SBF2: variants seen among roughly 807,000 people sequenced by gnomAD.
SBF2 encodes myotubularin-related protein 13.
A neutral mutation model predicts 225.2 loss-of-function variants in SBF2; 112 were observed. That is an observed-to-expected ratio of 0.50 (90% CI 0.43 to 0.58). The LOEUF is 0.58. Ranked by LOEUF, SBF2 falls within the 20% of genes least tolerant of loss-of-function variation. The probability of loss-of-function intolerance (pLI) is 0.00; values close to 1 mark genes in which losing one functional copy is unlikely to be tolerated. For missense variants in SBF2, 1,996 were observed against 2,206.2 expected, an observed-to-expected ratio of 0.90 and a Z score of 1.91; for synonymous variants, 763 against 773.3, an observed-to-expected ratio of 0.99 and a Z score of 0.22.
At chr11:9,922,849 C>A (rs1174668478) in intron 16 of SBF2, among the ~76,000 whole-genome samples, 1 of 152,136 alleles carries the variant, frequency 6.6e-6, no homozygotes, top group African/African-American at 2.4e-5. Flanking sequence ...CCCTACAGAG[C>A]AAGTTCATTT....
chr11:10,280,662 A>G (rs1349002817), intron 1 of SBF2, among the ~76,000 whole-genome samples: 1 of 152,194 alleles, frequency 6.6e-6, no homozygotes, highest in African/African-American at 2.4e-5. Context: ...CTTATTCTTT[A>G]TCCTACTAAA....
intron 1 of SBF2, among the ~76,000 whole-genome samples, chr11:10,231,308 C>T (rs1344759201): frequency 6.6e-6 from 1 of 152,202 alleles, no homozygotes; most frequent in Non-Finnish European, 1.5e-5. Flanking sequence ...TCTCTCAACT[C>T]GTCAAAGTCA....
rs532355113 is a variant in SBF2 at position 10,263,039 on chromosome 11, G to GA, written c.55+30975dup. Among the ~76,000 whole-genome samples the GA allele has an allele frequency of 7.2e-5, 11 of 151,890 alleles. No individual in the cohort carries two copies. In the East Asian group the frequency reaches 1.9e-3, roughly 27 times the overall value. On this transcript the variant is annotated intron_variant, in intron 1 of 39. Coordinates refer to ENST00000256190, the MANE Select transcript of SBF2 (RefSeq NM_030962.4). ...GTTCAATACAACATTTAATCCTAAA[G>GA]AAATTGTACTACTTCCCTGTTTTAA...
At chr11:10,262,159 G>A (rs922260360) in intron 1 of SBF2, among the ~76,000 whole-genome samples, 9 of 152,088 alleles carry the variant, frequency 5.9e-5, no homozygotes, top group African/African-American at 2.2e-4. Context: ...AAACTAGTTT[G>A]GGGGAAGATA....
chr11:10,223,821 A>G (rs796250136), intron 1 of SBF2, among the ~76,000 whole-genome samples: 1 of 152,208 alleles, frequency 6.6e-6, no homozygotes, highest in Non-Finnish European at 1.5e-5. Flanking sequence ...CTTGGAGATG[A>G]CTGGCATCAT....
In SBF2 at chr11:9,812,522, C is replaced by T; in HGVS notation, c.4155+10G>A. On this transcript the variant is annotated intron_variant, in intron 30 of 39. Coordinates refer to ENST00000256190, the MANE Select transcript of SBF2 (RefSeq NM_030962.4). ...TGAGTTATAAAGAAAGAAGCTGCTT[C>T]AGACATTACCTGTGGGAACCACTCA... The T allele has an allele frequency of 1.9e-6, 3 of 1,614,078 alleles. No individual in the cohort carries two copies. The highest frequency in any genetic ancestry group is 1.7e-6 in the Non-Finnish European group (2 of 1,179,970).
At chr11:10,257,780 T>C (rs527523212) in intron 1 of SBF2, among the ~76,000 whole-genome samples, 1 of 151,558 alleles carries the variant, frequency 6.6e-6, no homozygotes, top group Middle Eastern at 3.4e-3. Flanking sequence ...GTGGATCACT[T>C]GAGCCCAGGA....
chr11:10,195,908 C>T (rs1353615664), intron 1 of SBF2, among the ~76,000 whole-genome samples: 3 of 152,004 alleles, frequency 2.0e-5, no homozygotes, highest in African/African-American at 7.3e-5. Flanking sequence ...CTTCAAAATC[C>T]ACCTCAAGCA....
At chr11:9,912,796 C>A (rs1862750413) in intron 16 of SBF2, among the ~76,000 whole-genome samples, 1 of 152,126 alleles carries the variant, frequency 6.6e-6, no homozygotes, top group South Asian at 2.1e-4. Context: ...CAGCATGTAT[C>A]CCCACTGTCA....
At chr11:10,029,665 T>C in intron 5 of SBF2, 100 bp downstream of exon 5, 2 of 916,814 alleles carry the variant, frequency 2.2e-6, no homozygotes, top group South Asian at 1.3e-5. Flanking sequence ...AACAAAAATA[T>C]TTAAAGAATT....
chr11:9,929,863 G>A (rs1284144616), intron 16 of SBF2, among the ~76,000 whole-genome samples: 1 of 152,158 alleles, frequency 6.6e-6, no homozygotes, highest in Non-Finnish European at 1.5e-5. Context: ...CAGGAATAAA[G>A]AAACTTATTA....
intron 39 of SBF2, 111 bp from the exon 40 acceptor site, chr11:9,780,627 C>A: frequency 2.4e-6 from 2 of 841,324 alleles, no homozygotes; most frequent in Non-Finnish European, 4.0e-6. Flanking sequence ...TGCCCCAGAA[C>A]GTCTGTATGA....
At chr11:10,200,864 C>T (rs1957545051) in intron 1 of SBF2, among the ~76,000 whole-genome samples, 1 of 151,954 alleles carries the variant, frequency 6.6e-6, no homozygotes, top group South Asian at 2.1e-4. Flanking sequence ...GGAGTTCCTC[C>T]AGAAAATATT....
chr11:9,789,226 G>A lies in SBF2; in HGVS notation c.4815C>T (p.Pro1605=). 9.3e-6 allele frequency: 15 copies of A among 1,614,176 alleles called. No homozygotes were observed. The highest frequency in any genetic ancestry group is 1.2e-5 in the Non-Finnish European group (14 of 1,180,026). Residue 1605 remains proline (P), a synonymous_variant, in exon 35 of 40, where the codon CCC becomes CCT. Transcript: ENST00000256190. ...CTCCAGCCAGGTCAGAGTCTTCGGAGGGGAAGTGCTTGGGGGTTAGCATCA... is the reference window on the plus strand; with the variant it reads ...CTCCAGCCAGGTCAGAGTCTTCGGAAGGGAAGTGCTTGGGGGTTAGCATCA... ...DWMMLTPKHF[P]SEDSDLAGEA... is the part of the protein sequence containing the mutation.
intron 1 of SBF2, among the ~76,000 whole-genome samples, chr11:10,212,423 G>T (rs1957971760): frequency 6.6e-6 from 1 of 152,110 alleles, no homozygotes; most frequent in Non-Finnish European, 1.5e-5. Context: ...AATAATAAAA[G>T]ACCCCTTTCT....
chr11:10,129,913 G>C (rs1384007726), intron 2 of SBF2, among the ~76,000 whole-genome samples: 1 of 152,084 alleles, frequency 6.6e-6, no homozygotes, highest in African/African-American at 2.4e-5. Context: ...GGGAAGCTGA[G>C]GTGGGAATCT....
In SBF2 at chr11:9,856,598, G is replaced by A; in HGVS notation, c.2223C>T (p.Ser741=). 6.2e-7 allele frequency: 1 copy of A among 1,614,140 alleles called. No individual in the cohort carries two copies. The highest frequency in any genetic ancestry group is 8.5e-7 in the Non-Finnish European group (1 of 1,180,030). Residue 741 remains serine, a synonymous_variant, in exon 19 of 40, where the codon AGC becomes AGT. Coordinates refer to ENST00000256190, the MANE Select transcript of SBF2 (RefSeq NM_030962.4). ...AGTGAATGGCCTGACTAAAGACAGT[G>A]CTTTCCTCATGTTGCACTAGCTCTT... ...TQQELVQHEE[S]TVFSQAIHFA...
At chr11:9,821,411 G>A (rs1354288534) in intron 28 of SBF2, among the ~76,000 whole-genome samples, 1 of 152,164 alleles carries the variant, frequency 6.6e-6, no homozygotes, top group African/African-American at 2.4e-5. Flanking sequence ...CCAAGTTTTG[G>A]CCAATTAGTA....
At chr11:9,862,813 C>T (rs1353153924) in intron 17 of SBF2, among the ~76,000 whole-genome samples, 1 of 151,588 alleles carries the variant, frequency 6.6e-6, no homozygotes, top group Non-Finnish European at 1.5e-5. Flanking sequence ...AAAACTTTCC[C>T]AAGACAAGAT....
Sources: allele counts gnomAD v4.1 joint callset (sites outside exome capture counted in the v4.1 genomes callset), GRCh38; gene constraint gnomAD v4.1.1; transcripts MANE v1.5; gene names NCBI Gene and HGNC (gene_info 2026-07-23, HGNC 2026-07-21).